The following DZIP1L variants were observed in gnomAD, a reference collection of about 807,000 sequenced individuals.
DZIP1L encodes the protein DAZ interacting zinc finger protein 1 like.
Under a neutral mutation model 88.7 loss-of-function variants are expected in DZIP1L, and 90 were observed. The ratio of observed to expected loss-of-function variants is 1.02; its 90% CI spans 0.86 to 1.21. The LOEUF (loss-of-function observed/expected upper bound fraction) is 1.21. Ranked by LOEUF, DZIP1L falls within the 50% of genes most tolerant of loss-of-function variation. DZIP1L has a pLI of 0.00. For synonymous variants in DZIP1L, 363 were observed against 372.1 expected, an observed-to-expected ratio of 0.98 and a Z score of 0.28; for missense variants, 932 against 955.8, an observed-to-expected ratio of 0.98 and a Z score of 0.33.
rs1327425929 is a variant in DZIP1L, at chr3:138,062,927, A to G, written c.2193T>C (p.Pro731=). 1.2e-6 allele frequency: 2 copies of G among 1,614,090 alleles called. No homozygotes were observed. The highest frequency in any genetic ancestry group is 4.5e-5 in the East Asian group (2 of 44,890). Residue 731 remains proline (P), a synonymous_variant, in exon 16 of 16, where the codon CCT becomes CCC. Coordinates refer to ENST00000327532, the MANE Select transcript of DZIP1L (RefSeq NM_173543.3). ...DLEISSLEDL[P]LDLDQREKPK... is the part of the protein sequence containing the mutation. Reference sequence around the variant, plus strand: ...GTTTCTCTCTCTGGTCCAGGTCCAGAGGAAGATCTTCCAAGGAGGAGATCT... The same window carrying G: ...GTTTCTCTCTCTGGTCCAGGTCCAGGGGAAGATCTTCCAAGGAGGAGATCT...
At chr3:138,089,332 C>T in intron 5 of DZIP1L, 2 of 937,908 alleles carry the variant, frequency 2.1e-6, no homozygotes, top group Middle Eastern at 5.5e-4. Flanking sequence ...TCTAATGTGT[C>T]ACTCCTGGTT....
intron 5 of DZIP1L, chr3:138,089,092 C>T (rs992819902): frequency 6.0e-5 from 59 of 985,230 alleles, no homozygotes; most frequent in Non-Finnish European, 7.1e-5. Flanking sequence ...ATATGACTGT[C>T]GTAGTAACAA....
At chr3:138,071,883 C>T in intron 11 of DZIP1L, 48 bp from the exon 12 acceptor site, 1 of 1,543,598 alleles carries the variant, frequency 6.5e-7, no homozygotes. Flanking sequence ...TACCCTTCTT[C>T]TCCTTCCCCT....
intron 4 of DZIP1L, among the ~76,000 whole-genome samples, chr3:138,094,644 G>A (rs1944382881): frequency 6.6e-6 from 1 of 152,206 alleles, no homozygotes; most frequent in Admixed American, 6.5e-5. Flanking sequence ...GCATCTCTCT[G>A]CTCTACTTTC....
chr3:138,065,904 A>G lies in DZIP1L; in HGVS notation c.2003-1137T>C, dbSNP rs186144241. Among the ~76,000 whole-genome samples, 478 of 152,362 alleles carry G rather than the reference A, an allele frequency of 3.1e-3. 2 individuals are homozygous for G. The highest frequency in any genetic ancestry group is 8.5e-3 in the South Asian group (41 of 4,830). ...GGGAGTAGACAGTTGTTTTGAAAAG[A>G]AGGAGGCTCAACTAGTCATTGCAAC... On this transcript the variant is annotated intron_variant, in intron 14 of 15. Coordinates refer to ENST00000327532, the MANE Select transcript of DZIP1L (RefSeq NM_173543.3).
intron 12 of DZIP1L, among the ~76,000 whole-genome samples, chr3:138,070,140 C>T (rs1398793339): frequency 6.6e-6 from 1 of 152,124 alleles, no homozygotes; most frequent in East Asian, 1.9e-4. Context: ...AAGTCCCTGT[C>T]CCCTCCCTCC....
intron 11 of DZIP1L, among the ~76,000 whole-genome samples, chr3:138,074,035 C>T (rs1039202211): frequency 2.6e-5 from 4 of 152,060 alleles, no homozygotes; most frequent in African/African-American, 9.7e-5. Context: ...AAAAAATGAA[C>T]AAAGTCTCCA....
chr3:138,109,947 C>T (rs978652608), intron 1 of DZIP1L, among the ~76,000 whole-genome samples: 5 of 152,022 alleles, frequency 3.3e-5, no homozygotes, highest in Admixed American at 1.3e-4. Context: ...TATCACACAC[C>T]GGGCTTCCTG....
chr3:138,104,328 G>A (rs1405215621), intron 1 of DZIP1L, among the ~76,000 whole-genome samples: 1 of 152,254 alleles, frequency 6.6e-6, no homozygotes, highest in Non-Finnish European at 1.5e-5. Context: ...GTGCAGGCCT[G>A]TGGTGAGGAA....
At chr3:138,101,841 C>T in intron 2 of DZIP1L, 1 of 1,307,484 alleles carries the variant, frequency 7.6e-7, no homozygotes, top group African/African-American at 1.4e-5. Context: ...CCATGTCCTG[C>T]TTGGCCCGCT....
At chr3:138,114,591 G>A (rs2042663346) in intron 1 of DZIP1L, among the ~76,000 whole-genome samples, 1 of 152,162 alleles carries the variant, frequency 6.6e-6, no homozygotes, top group Admixed American at 6.5e-5. Context: ...ATGAGGGTGT[G>A]AGAAGCCAAG....
chr3:138,065,561 G>T (rs1436034362), intron 14 of DZIP1L, among the ~76,000 whole-genome samples: 2 of 152,212 alleles, frequency 1.3e-5, no homozygotes, highest in Admixed American at 1.3e-4. Context: ...CTAACACCCA[G>T]TCCCAAGACC....
intron 5 of DZIP1L, 162 bp downstream of exon 5, chr3:138,092,221 G>T: frequency 1.4e-6 from 1 of 715,178 alleles, no homozygotes; most frequent in Non-Finnish European, 2.1e-6. Context: ...TCAACCCCAA[G>T]GCGTCTGAAA....
At chr3:138,064,899 C>T (rs1482282140) in intron 14 of DZIP1L, 132 bp from the exon 15 acceptor site, 3 of 1,338,510 alleles carry the variant, frequency 2.2e-6, no homozygotes, top group Non-Finnish European at 3.0e-6. Flanking sequence ...GAAGGCTGAG[C>T]AACCACAAAA....
chr3:138,068,499 A>ACG, intron 12 of DZIP1L, 132 bp from the exon 13 acceptor site: 2 of 630,246 alleles, frequency 3.2e-6, no homozygotes, highest in Non-Finnish European at 4.8e-6. Context: ...TAACCACAGC[A>ACG]GATTTCATGA....
At chr3:138,100,107 G>C (rs1199289172) in intron 2 of DZIP1L, among the ~76,000 whole-genome samples, 2 of 151,832 alleles carry the variant, frequency 1.3e-5, no homozygotes, top group African/African-American at 4.8e-5. Flanking sequence ...GATGGGGGTT[G>C]GTCACCAGAA....
intron 5 of DZIP1L, among the ~76,000 whole-genome samples, chr3:138,091,604 C>A (rs1219155949): frequency 8.2e-6 from 1 of 122,694 alleles, no homozygotes. Context: ...GGCGACACAG[C>A]GAGACAGTGA....
rs1460047524 is a variant in DZIP1L, at chr3:138,062,980, G to A, written c.2143-3C>T. Reference sequence around the variant, plus strand: ...AAGTCACTCTCATCTTCAGAAAGCTGCAGGGGGTAAAGGGGAGAAGAAAAT... The same window carrying A: ...AAGTCACTCTCATCTTCAGAAAGCTACAGGGGGTAAAGGGGAGAAGAAAAT... On this transcript the variant is annotated splice_polypyrimidine_tract_variant and splice_region_variant and intron_variant, in intron 15 of 15. Transcript: ENST00000327532. 7 of 1,613,786 alleles carry A rather than the reference G, an allele frequency of 4.3e-6. No homozygotes were observed. The East Asian group carries it at 1.1e-4, about 26-fold the overall frequency.
At chr3:138,088,832 A>G in intron 5 of DZIP1L, 1 of 1,011,348 alleles carries the variant, frequency 9.9e-7, no homozygotes, top group South Asian at 4.2e-5. Context: ...AGTCTGGAAT[A>G]CACTGATGAG....
Sources: allele counts gnomAD v4.1 joint callset (sites outside exome capture counted in the v4.1 genomes callset), GRCh38; gene constraint gnomAD v4.1.1; transcripts MANE v1.5; gene names NCBI Gene and HGNC (gene_info 2026-07-23, HGNC 2026-07-21).